ANKS1B: variants seen among roughly 807,000 people sequenced by gnomAD.
ANKS1B encodes ankyrin repeat and sterile alpha motif domain-containing protein 1B.
Under a neutral mutation model 148.3 loss-of-function variants are expected in ANKS1B, and 36 were observed. The ratio of observed to expected loss-of-function variants is 0.24; its 90% confidence interval spans 0.19 to 0.32. The LOEUF (loss-of-function observed/expected upper bound fraction) is 0.32. Among genes scored for constraint, ANKS1B ranks in the 10% least tolerant of loss-of-function variants. The probability of loss-of-function intolerance (pLI) is 1.00; values close to 1 mark genes in which losing one functional copy is unlikely to be tolerated. For synonymous variants in ANKS1B, 542 were observed against 560.8 expected, an observed-to-expected ratio of 0.97 and a Z score of 0.47; for missense variants, 1,157 against 1,542.6, an observed-to-expected ratio of 0.75 and a Z score of 4.19.
intron 10 of ANKS1B, among the ~76,000 whole-genome samples, chr12:99,500,475 T>G (rs1257113520): frequency 6.6e-6 from 1 of 151,984 alleles, no homozygotes; most frequent in African/African-American, 2.4e-5. Flanking sequence ...GTTCCTCTAT[T>G]CCCCAGTTGA....
intron 12 of ANKS1B, among the ~76,000 whole-genome samples, chr12:99,337,439 G>A (rs1240546103): frequency 1.3e-5 from 2 of 152,036 alleles, no homozygotes; most frequent in African/African-American, 4.8e-5. Flanking sequence ...CCTCAAAACA[G>A]CTATTTGGAA....
chr12:99,203,721 G>A (rs1030505103), intron 14 of ANKS1B, among the ~76,000 whole-genome samples: 5 of 152,164 alleles, frequency 3.3e-5, no homozygotes, highest in African/African-American at 1.2e-4. Flanking sequence ...AAAGTGCTGG[G>A]ATTACAGGCG....
chr12:99,136,675 G>GAGAT (rs1427560861), intron 15 of ANKS1B, among the ~76,000 whole-genome samples: 1 of 152,140 alleles, frequency 6.6e-6, no homozygotes, highest in Non-Finnish European at 1.5e-5. Flanking sequence ...ATGTTATATG[G>GAGAT]AGATAACCAC....
At position 99,645,139 on chromosome 12, in the gene ANKS1B, G is replaced by A. The variant is rs535267485; in HGVS notation, c.1272+9928C>T. On this transcript the variant is annotated intron_variant, in intron 9 of 26. Transcript: ENST00000683438. ...GAATTATTCTGTAAACCACAGCCAT[G>A]TTCATTATTAACTGATTTCTGTTTA... is the stretch of plus-strand genomic sequence containing the variant. 7.2e-5 allele frequency among the ~76,000 whole-genome samples: 11 copies of A among 152,286 alleles called. No individual in the cohort carries two copies. The South Asian group carries it at 2.1e-3, about 29-fold the overall frequency.
intron 12 of ANKS1B, among the ~76,000 whole-genome samples, chr12:99,289,718 A>G (rs761459477): frequency 1.3e-4 from 20 of 152,044 alleles, no homozygotes; most frequent in Non-Finnish European, 2.5e-4. Flanking sequence ...AATTATTGAA[A>G]CAAATGAAAA....
intron 17 of ANKS1B, among the ~76,000 whole-genome samples, chr12:98,952,884 C>G (rs1231217152): frequency 6.6e-6 from 1 of 152,148 alleles, no homozygotes; most frequent in Non-Finnish European, 1.5e-5. Flanking sequence ...TAAGAGACAG[C>G]TTCTCATCCC....
intron 17 of ANKS1B, among the ~76,000 whole-genome samples, chr12:98,905,193 G>C (rs954997104): frequency 6.6e-6 from 1 of 152,114 alleles, no homozygotes; most frequent in African/African-American, 2.4e-5. Context: ...ACCATAGCTG[G>C]AACTAAAAAT....
chr12:98,965,353 A>C (rs1260898041), intron 17 of ANKS1B, among the ~76,000 whole-genome samples: 1 of 152,198 alleles, frequency 6.6e-6, no homozygotes, highest in East Asian at 1.9e-4. Context: ...GAATTTACAG[A>C]GGCAATGTAT....
At chr12:99,086,219 T>A (rs763056404) in intron 15 of ANKS1B, among the ~76,000 whole-genome samples, 1 of 152,096 alleles carries the variant, frequency 6.6e-6, no homozygotes, top group Non-Finnish European at 1.5e-5. Context: ...ATCCAGGGTA[T>A]TTTTTCAGAG....
chr12:99,622,553 T>C (rs963565370), intron 9 of ANKS1B, among the ~76,000 whole-genome samples: 2 of 151,786 alleles, frequency 1.3e-5, no homozygotes, highest in African/African-American at 2.4e-5. Flanking sequence ...AAAGGTGACA[T>C]ACAACTGATC....
chr12:99,032,510 CTCTTT>C (rs917363071), intron 17 of ANKS1B, among the ~76,000 whole-genome samples: 5 of 152,282 alleles, frequency 3.3e-5, no homozygotes, highest in Admixed American at 1.3e-4. Flanking sequence ...GCTTCCTCTT[CTCTTT>C]TGTCTGTCTT....
At chr12:99,456,200 C>T (rs2095845511) in intron 10 of ANKS1B, among the ~76,000 whole-genome samples, 1 of 152,102 alleles carries the variant, frequency 6.6e-6, no homozygotes, top group Admixed American at 6.5e-5. Flanking sequence ...TCTCAGGAAG[C>T]CCCATCCCTA....
intron 1 of ANKS1B, among the ~76,000 whole-genome samples, chr12:99,947,892 T>C (rs1164978786): frequency 6.6e-6 from 1 of 152,210 alleles, no homozygotes; most frequent in Non-Finnish European, 1.5e-5. Context: ...TGGCCCTGCA[T>C]GTGCTCATCT....
intron 9 of ANKS1B, among the ~76,000 whole-genome samples, chr12:99,552,565 T>C (rs1261146730): frequency 1.3e-5 from 2 of 152,178 alleles, no homozygotes; most frequent in African/African-American, 4.8e-5. Flanking sequence ...ATTGCATTAC[T>C]AAATGCTCTA....
chr12:99,983,100 T>G (rs1215827672), intron 1 of ANKS1B, among the ~76,000 whole-genome samples: 1 of 152,216 alleles, frequency 6.6e-6, no homozygotes, highest in African/African-American at 2.4e-5. Flanking sequence ...ATAGTTGGGT[T>G]ATCCAAGAGA....
chr12:98,749,599 G>C (rs1179950304), intron 26 of ANKS1B, among the ~76,000 whole-genome samples: 1 of 152,182 alleles, frequency 6.6e-6, no homozygotes, highest in Non-Finnish European at 1.5e-5. Context: ...AGTCAGCCAT[G>C]CAGAAACCGG....
chr12:98,857,045 T>C (rs975897204), intron 17 of ANKS1B, among the ~76,000 whole-genome samples: 2 of 107,504 alleles, frequency 1.9e-5, no homozygotes, highest in Non-Finnish European at 4.4e-5. Flanking sequence ...CTGCACACAA[T>C]GATTCCTGAC....
intron 17 of ANKS1B, among the ~76,000 whole-genome samples, chr12:98,967,660 A>AGGAGGGGAGG (rs1220431115): frequency 5.6e-5 from 1 of 17,866 alleles, no homozygotes; most frequent in African/African-American, 5.3e-4. Context: ...AGGAGGGGAG[A>AGGAGGGGAGG]GGAGGGGAGG....
At position 98,956,009 on chromosome 12, in the gene ANKS1B, G is replaced by A. The variant is rs1383871028; in HGVS notation, c.2778+97148C>T. Among the ~76,000 whole-genome samples, 3 of 152,148 alleles carry A rather than the reference G, an allele frequency of 2.0e-5. No homozygotes were observed. In the East Asian group the frequency reaches 5.8e-4, roughly 29 times the overall value. The stretch of plus-strand genomic sequence containing the variant: ...TCAGACTCTTCTGACCAAGGCCCAG[G>A]TCTGCCTGAATTCCAGGCCTAGAGA... On this transcript the variant is annotated intron_variant, in intron 17 of 26. Transcript: ENST00000683438.
Sources: gnomAD v4.1 joint callset for allele counts (sites outside exome capture counted in the v4.1 genomes callset) on GRCh38, gnomAD v4.1.1 for gene constraint, MANE v1.5 for transcripts, NCBI Gene and HGNC (gene_info 2026-07-23, HGNC 2026-07-21) for gene names.